Variants in UNC13B observed in about 807,000 individuals in gnomAD.
The protein encoded by UNC13B is unc-13 homolog B, also known as protein unc-13 homolog B.
UNC13B carries 144 observed loss-of-function variants against 211.0 expected under a neutral mutation model. The ratio of observed to expected loss-of-function variants is 0.68; its 90% CI spans 0.60 to 0.78. UNC13B has a LOEUF of 0.78. Ranked by LOEUF, UNC13B falls within the 30% of genes least tolerant of loss-of-function variation. UNC13B has a pLI of 0.00. For missense variants in UNC13B, 1,777 were observed against 2,002.0 expected, an observed-to-expected ratio of 0.89 and a Z score of 2.14; for synonymous variants, 709 against 725.8, an observed-to-expected ratio of 0.98 and a Z score of 0.37.
At chr9:35,198,362 G>T (rs144267238) in intron 1 of UNC13B, among the ~76,000 whole-genome samples, 9 of 152,122 alleles carry the variant, frequency 5.9e-5, no homozygotes, top group Non-Finnish European at 1.0e-4. Flanking sequence ...TGTAATATGC[G>T]CCTGCTTCTC....
intron 21 of UNC13B, 110 bp downstream of exon 21, chr9:35,382,617 C>T (rs1371172566): frequency 3.0e-6 from 4 of 1,345,308 alleles, no homozygotes; most frequent in African/African-American, 1.5e-5. Context: ...GGCTGGAGTA[C>T]AGTGGCGTGG....
At chr9:35,340,753 G>A (rs373307887) in intron 11 of UNC13B, among the ~76,000 whole-genome samples, 6 of 152,180 alleles carry the variant, frequency 3.9e-5, no homozygotes, top group African/African-American at 1.4e-4. Flanking sequence ...GTTACTGGCT[G>A]ATCGAGCTCT....
chr9:35,208,119 GT>G (rs1377581641), intron 1 of UNC13B, among the ~76,000 whole-genome samples: 1 of 152,160 alleles, frequency 6.6e-6, no homozygotes, highest in African/African-American at 2.4e-5. Flanking sequence ...AAAAGAGCGT[GT>G]TACTTTGCCA....
Position 35,385,887 on chromosome 9 carries a change from T to C in UNC13B, c.10965+74T>C, listed in dbSNP as rs75389313. The C allele has an allele frequency of 4.6e-3, 7,061 of 1,548,662 alleles. 253 individuals are homozygous for C. In the African/African-American group the frequency reaches 0.082, roughly 18 times the overall value. ...ACAGGAACGTGAAGAATGAGAATCA[T>C]TGGGCAGAGTCTGAGGCTACAGGAT... On this transcript the variant is annotated intron_variant, in intron 23 of 39. Transcript: ENST00000635942.
At position 35,378,375 on chromosome 9, in the gene UNC13B, A is replaced by G; in HGVS notation, c.10144A>G (p.Lys3382Glu). 1 of 1,614,150 alleles carries G rather than the reference A, an allele frequency of 6.2e-7. No individual in the cohort carries two copies. The highest frequency in any genetic ancestry group is 8.5e-7 in the Non-Finnish European group (1 of 1,180,022). Residue 3382 changes from lysine to glutamate, a missense_variant, in exon 17 of 40, where the codon AAG becomes GAG. Coordinates refer to ENST00000635942, the MANE Select transcript of UNC13B (RefSeq NM_001371189.2). ...CGTGACTGTGCAAGTCAGCAAAACT[A>G]AGAAGCGTACCAAGACCATTTTTGG... ...PYVTVQVSKT[K>E]KRTKTIFGNL... is the part of the protein sequence containing the mutation.
chr9:35,269,803 T>A (rs2131672785), intron 7 of UNC13B, among the ~76,000 whole-genome samples: 1 of 152,364 alleles, frequency 6.6e-6, no homozygotes, highest in Non-Finnish European at 1.5e-5. Context: ...TGTCACACTG[T>A]TATTATACTG....
chr9:35,189,232 A>G (rs1313442300), intron 1 of UNC13B, among the ~76,000 whole-genome samples: 2 of 152,152 alleles, frequency 1.3e-5, no homozygotes, highest in South Asian at 2.1e-4. Context: ...CCTCAAATAC[A>G]TGTGGCACTG....
intron 11 of UNC13B, among the ~76,000 whole-genome samples, chr9:35,365,002 G>A (rs1196950294): frequency 1.3e-5 from 2 of 152,224 alleles, no homozygotes; most frequent in African/African-American, 4.8e-5. Context: ...TTTGAGAGCA[G>A]GCTTTGCTGC....
At chr9:35,208,828 A>G (rs1823807629) in intron 1 of UNC13B, among the ~76,000 whole-genome samples, 1 of 152,078 alleles carries the variant, frequency 6.6e-6, no homozygotes, top group South Asian at 2.1e-4. Context: ...ACAAATCGAA[A>G]CCATATCACT....
At chr9:35,210,105 G>A (rs531714722) in intron 1 of UNC13B, among the ~76,000 whole-genome samples, 2 of 152,044 alleles carry the variant, frequency 1.3e-5, no homozygotes, top group Admixed American at 1.3e-4. Context: ...CTTCTAGAAA[G>A]CATTTAAGTT....
intron 5 of UNC13B, among the ~76,000 whole-genome samples, chr9:35,242,647 C>T (rs1241061578): frequency 2.0e-5 from 3 of 152,086 alleles, no homozygotes; most frequent in African/African-American, 7.2e-5. Flanking sequence ...AATAATGCTC[C>T]GTTGTATGTA....
intron 1 of UNC13B, among the ~76,000 whole-genome samples, chr9:35,192,446 A>G (rs1264414836): frequency 1.3e-5 from 2 of 152,358 alleles, no homozygotes; most frequent in East Asian, 3.9e-4. Flanking sequence ...GCTTAGAAGC[A>G]GCATAACATC....
intron 2 of UNC13B, among the ~76,000 whole-genome samples, chr9:35,229,094 T>A (rs10972388): frequency 6.6e-6 from 1 of 152,060 alleles, no homozygotes; most frequent in African/African-American, 2.4e-5. Flanking sequence ...ACATTTGATA[T>A]GAAACTTTAA....
chr9:35,401,706 C>G (rs1349932559), intron 37 of UNC13B, among the ~76,000 whole-genome samples: 1 of 152,198 alleles, frequency 6.6e-6, no homozygotes, highest in African/African-American at 2.4e-5. Flanking sequence ...GATACCTCCT[C>G]TCTGTATTTT....
intron 1 of UNC13B, among the ~76,000 whole-genome samples, chr9:35,184,143 C>T (rs563246206): frequency 6.8e-4 from 102 of 151,030 alleles, no homozygotes; most frequent in African/African-American, 1.9e-3. Context: ...CTCCTCACTT[C>T]GCAGACAGGG....
At chr9:35,252,656 C>T (rs1826569277) in intron 6 of UNC13B, among the ~76,000 whole-genome samples, 1 of 149,454 alleles carries the variant, frequency 6.7e-6, no homozygotes, top group African/African-American at 2.4e-5. Flanking sequence ...TATGATTTGT[C>T]TATAAAAAAA....
rs575780158 is a variant in UNC13B, at chr9:35,370,215, A to G, written c.9462-103A>G. 3.8e-5 allele frequency: 35 copies of G among 930,420 alleles called. No individual in the cohort carries two copies. In the African/African-American group the frequency reaches 5.1e-4, roughly 13 times the overall value. The allele number at this position is 930,420 out of a possible 1,614,324, so 57.6% of individuals were successfully genotyped here. ...AAAAGCACATGGTAGAGGTCAGTTC[A>G]TCTTCCTCTGGGGAGAGGGAGAGCA... On this transcript the variant is annotated intron_variant, in intron 12 of 39. Coordinates refer to ENST00000635942, the MANE Select transcript of UNC13B (RefSeq NM_001371189.2).
Position 35,310,560 on chromosome 9 carries a change from C to A in UNC13B, c.9102C>A (p.Asp3034Glu). ...TAGACCAGTATCACGAACAAGATGA[C>A]GACCATCGGGAGACGGACTCGATTC... ...SELDQYHEQD[D>E]DHRETDSIHS... Residue 3034 changes from aspartate (D) to glutamate (E), a missense_variant, in exon 10 of 40, where the codon GAC (aspartate) becomes GAA (glutamate). By Grantham distance (45) the Asp-to-Glu change is conservative. Coordinates refer to ENST00000635942, the MANE Select transcript of UNC13B (RefSeq NM_001371189.2). 3 of 1,614,046 alleles carry A rather than the reference C, an allele frequency of 1.9e-6. No homozygotes were observed. Among genetic ancestry groups the A allele is most frequent in the Non-Finnish European group, 2.5e-6 (3 of 1,180,002 alleles).
At chr9:35,198,147 C>A (rs1823048836) in intron 1 of UNC13B, among the ~76,000 whole-genome samples, 1 of 151,976 alleles carries the variant, frequency 6.6e-6, no homozygotes, top group African/African-American at 2.4e-5. Context: ...TATGTCTCTA[C>A]CAAATCTCAC....
Sources: gnomAD v4.1 joint callset for allele counts (sites outside exome capture counted in the v4.1 genomes callset) on GRCh38, gnomAD v4.1.1 for gene constraint, MANE v1.5 for transcripts, NCBI Gene and HGNC (gene_info 2026-07-23, HGNC 2026-07-21) for gene names.